Variants in CTNNA2 observed in about 807,000 individuals in gnomAD.
CTNNA2 encodes catenin alpha-2.
In CTNNA2, 42 loss-of-function variants were observed where a neutral mutation model predicts 101.0. The ratio of observed to expected loss-of-function variants is 0.42; its 90% CI spans 0.32 to 0.54. The LOEUF (loss-of-function observed/expected upper bound fraction) is 0.54, where lower values mean the gene tolerates loss of function less well. Among genes scored for constraint, CTNNA2 ranks in the 20% least tolerant of loss-of-function variants. The probability of loss-of-function intolerance (pLI) is 0.14; values close to 1 mark genes in which losing one functional copy is unlikely to be tolerated. For missense variants in CTNNA2, 871 were observed against 1,223.1 expected, an observed-to-expected ratio of 0.71 and a Z score of 4.29; for synonymous variants, 450 against 456.4, an observed-to-expected ratio of 0.99 and a Z score of 0.18.
At chr2:79,669,179 C>G (rs532674305) in intron 2 of CTNNA2, among the ~76,000 whole-genome samples, 2 of 152,148 alleles carry the variant, frequency 1.3e-5, no homozygotes, top group South Asian at 4.2e-4. Flanking sequence ...GCCATGAAAC[C>G]GGTATGATAG....
intron 7 of CTNNA2, among the ~76,000 whole-genome samples, chr2:80,031,615 G>A (rs1180553845): frequency 6.6e-6 from 1 of 152,078 alleles, no homozygotes; most frequent in Non-Finnish European, 1.5e-5. Context: ...GATTTTGTTG[G>A]GGACACGGCC....
At chr2:80,605,522 G>A (rs1697925247) in intron 16 of CTNNA2, 1 of 151,900 alleles carries the variant, frequency 6.6e-6, no homozygotes, top group South Asian at 2.1e-4. Flanking sequence ...ATGATCTGAT[G>A]ATTTTTGAGT....
At chr2:79,455,559 C>T (rs1324770572) in intron 4 of CTNNA2, among the ~76,000 whole-genome samples, 75 of 152,164 alleles carry the variant, frequency 4.9e-4, no homozygotes, top group Non-Finnish European at 4.4e-5. Flanking sequence ...GGGTACTCCA[C>T]TCTCCCTTGT....
intron 1 of CTNNA2, among the ~76,000 whole-genome samples, chr2:79,585,526 A>G (rs768263255): frequency 5.5e-4 from 84 of 152,094 alleles, no homozygotes; most frequent in Non-Finnish European, 9.7e-4. Context: ...ATATGTAAAA[A>G]TGGAAACATA....
chr2:79,700,633 G>T (rs888778778), intron 2 of CTNNA2, among the ~76,000 whole-genome samples: 7 of 152,094 alleles, frequency 4.6e-5, no homozygotes, highest in African/African-American at 1.7e-4. Flanking sequence ...TGGCAGCAAG[G>T]CTATATTAAG....
chr2:79,564,705 G>T (rs150415321), intron 1 of CTNNA2, among the ~76,000 whole-genome samples: 2 of 152,090 alleles, frequency 1.3e-5, no homozygotes, highest in Non-Finnish European at 2.9e-5. Context: ...TTTCTCAAGT[G>T]TGCCTGAATT....
At chr2:79,391,559 G>C (rs974350570) in intron 4 of CTNNA2, among the ~76,000 whole-genome samples, 11 of 152,070 alleles carry the variant, frequency 7.2e-5, no homozygotes, top group African/African-American at 2.4e-4. Flanking sequence ...TCAACTGTTG[G>C]GGGATGGCAC....
intron 7 of CTNNA2, among the ~76,000 whole-genome samples, chr2:80,100,669 G>A (rs1700485893): frequency 6.6e-6 from 1 of 152,136 alleles, no homozygotes; most frequent in Non-Finnish European, 1.5e-5. Context: ...CCGGCATAGT[G>A]CCCAGCTCAA....
chr2:79,474,950 C>T (rs1233117279), intron 4 of CTNNA2, among the ~76,000 whole-genome samples: 1 of 152,090 alleles, frequency 6.6e-6, no homozygotes, highest in Non-Finnish European at 1.5e-5. Flanking sequence ...TCTTCCAGCT[C>T]TCCATGAAGA....
intron 2 of CTNNA2, among the ~76,000 whole-genome samples, chr2:79,680,982 T>C (rs1160780342): frequency 1.3e-5 from 2 of 152,108 alleles, no homozygotes; most frequent in Admixed American, 6.5e-5. Flanking sequence ...TTGTTTTGTT[T>C]TGTTTAAAAA....
At chr2:80,326,279 C>T (rs1679234348) in intron 7 of CTNNA2, among the ~76,000 whole-genome samples, 1 of 152,126 alleles carries the variant, frequency 6.6e-6, no homozygotes, top group South Asian at 2.1e-4. Flanking sequence ...TAATAACACA[C>T]TGCTATAATT....
At chr2:80,389,811 C>A (rs568587903) in intron 7 of CTNNA2, among the ~76,000 whole-genome samples, 1 of 152,276 alleles carries the variant, frequency 6.6e-6, no homozygotes, top group East Asian at 1.9e-4. Context: ...CATGTACAGT[C>A]ACAACAAATA....
rs956901096 is a variant in CTNNA2 at position 79,534,540 on chromosome 2, TC to T, written c.-6+21336del. On this transcript the variant is annotated intron_variant, in intron 1 of 18. Transcript: ENST00000402739. ...TGAAAACTTGTGAACAGTTTTTTTT[TC>T]CCTGTAAGCCTCATAGAGTTGAGGT... Among the ~76,000 whole-genome samples, 94 of 151,748 alleles carry T rather than the reference TC, an allele frequency of 6.2e-4. 1 individual carries two copies. The highest frequency in any genetic ancestry group is 2.2e-3 in the African/African-American group (92 of 41,396).
chr2:80,021,562 A>G lies in CTNNA2; in HGVS notation c.1056+111765A>G, dbSNP rs114565143. ...TCTAGGAGCTGCAAATGGAAATGAC[A>G]GTTTATGGTTACATGGCCTAATAGT... On this transcript the variant is annotated intron_variant, in intron 7 of 18. Coordinates refer to ENST00000402739, the MANE Select transcript of CTNNA2 (RefSeq NM_001282597.3). Among the ~76,000 whole-genome samples the G allele has an allele frequency of 2.0e-3, 311 of 152,318 alleles. 1 individual carries two copies. The highest frequency in any genetic ancestry group is 7.0e-3 in the African/African-American group (291 of 41,578).
chr2:80,084,865 G>A (rs548212752), intron 7 of CTNNA2, among the ~76,000 whole-genome samples: 1 of 152,172 alleles, frequency 6.6e-6, no homozygotes, highest in East Asian at 1.9e-4. Context: ...AAAAAAAATT[G>A]TGAAGGCTAG....
rs571939144 is a variant in CTNNA2 at position 79,971,089 on chromosome 2, C to T, written c.1056+61292C>T. ...TGAAAGACGTATAATGCTGGGGAGGCGAGACAGCCCCATTTTGGCATCCTT... is the reference window on the plus strand; with the variant it reads ...TGAAAGACGTATAATGCTGGGGAGGTGAGACAGCCCCATTTTGGCATCCTT... On this transcript the variant is annotated intron_variant, in intron 7 of 18. Coordinates refer to ENST00000402739, the MANE Select transcript of CTNNA2 (RefSeq NM_001282597.3). Among the ~76,000 whole-genome samples the T allele has an allele frequency of 7.2e-5, 11 of 152,152 alleles. No individual in the cohort carries two copies. In the South Asian group the frequency reaches 1.0e-3, roughly 14 times the overall value.
At chr2:79,783,573 G>A (rs1208723746) in intron 3 of CTNNA2, among the ~76,000 whole-genome samples, 1 of 152,188 alleles carries the variant, frequency 6.6e-6, no homozygotes, top group African/African-American at 2.4e-5. Context: ...AGTGGGAAGA[G>A]TGGCTTACCT....
At chr2:79,913,196 G>T (rs765872597) in intron 7 of CTNNA2, among the ~76,000 whole-genome samples, 1 of 151,916 alleles carries the variant, frequency 6.6e-6, no homozygotes, top group Admixed American at 6.6e-5. Flanking sequence ...GTTAGAGGAC[G>T]CTGGGTAGTA....
At chr2:79,860,007 A>G (rs564638320) in intron 4 of CTNNA2, among the ~76,000 whole-genome samples, 1 of 152,138 alleles carries the variant, frequency 6.6e-6, no homozygotes, top group Admixed American at 6.5e-5. Context: ...GCAGCTGAAT[A>G]GGGAGTGTAA....
Sources: allele counts gnomAD v4.1 joint callset (sites outside exome capture counted in the v4.1 genomes callset), GRCh38; gene constraint gnomAD v4.1.1; transcripts MANE v1.5; gene names NCBI Gene and HGNC (gene_info 2026-07-23, HGNC 2026-07-21).